The following ABAT variants were observed in gnomAD, a reference collection of about 807,000 sequenced individuals.
ABAT encodes the protein 4-aminobutyrate aminotransferase, mitochondrial.
A neutral mutation model predicts 64.6 loss-of-function variants in ABAT; 45 were observed. That is an observed-to-expected ratio of 0.70 (90% CI 0.55 to 0.89). The LOEUF is 0.89. Ranked by LOEUF, ABAT falls within the 40% of genes least tolerant of loss-of-function variation. ABAT has a pLI of 0.00. For synonymous variants in ABAT, 297 were observed against 250.5 expected, an observed-to-expected ratio of 1.19 and a Z score of -1.75; for missense variants, 633 against 658.4, an observed-to-expected ratio of 0.96 and a Z score of 0.42.
chr16:8,712,005 C>G (rs1416979123), intron 1 of ABAT, among the ~76,000 whole-genome samples: 3 of 150,446 alleles, frequency 2.0e-5, no homozygotes, highest in African/African-American at 4.9e-5. Context: ...TTTGGGAGGT[C>G]GGGGGGGAGG....
chr16:8,685,392 C>A (rs1020491993), intron 1 of ABAT, among the ~76,000 whole-genome samples: 3 of 150,910 alleles, frequency 2.0e-5, no homozygotes, highest in African/African-American at 4.9e-5. Flanking sequence ...AATGTTACGC[C>A]GGGTGTGGTG....
At chr16:8,772,993 C>T (rs2060158867) in intron 12 of ABAT, 76 bp downstream of exon 12, 1 of 1,593,374 alleles carries the variant, frequency 6.3e-7, no homozygotes, top group Admixed American at 1.7e-5. Context: ...GGGCCAGCAG[C>T]ACCTCTGCCT....
chr16:8,746,099 G>C lies in ABAT; in HGVS notation c.168+1G>C. ...GGAAGTCCCAGGGCCTAGATCTCAG[G>C]TGAGTTGAGCACACCTGAGTGGGGT... is the stretch of plus-strand genomic sequence containing the variant. On this transcript the variant is annotated splice_donor_variant, in intron 3 of 15. Transcript: ENST00000268251. LOFTEE classifies it high-confidence loss of function. 6.2e-7 allele frequency: 1 copy of C among 1,611,660 alleles called. No individual in the cohort carries two copies. Among genetic ancestry groups the C allele is most frequent in the Non-Finnish European group, 8.5e-7 (1 of 1,178,646 alleles).
intron 1 of ABAT, among the ~76,000 whole-genome samples, chr16:8,735,188 A>AG (rs2058881956): frequency 6.6e-6 from 1 of 151,952 alleles, no homozygotes; most frequent in African/African-American, 2.4e-5. Context: ...AAAAAAAAAA[A>AG]AAAATGTGAA....
At position 8,750,649 on chromosome 16, in the gene ABAT, G is replaced by A. The variant is rs1310152678; in HGVS notation, c.316+110G>A. ...TCCAGCAGGCACATCCCAGAGTGTT[G>A]CCTGACACTTCACCCAAGGGTAGGA... On this transcript the variant is annotated intron_variant, in intron 5 of 15. Transcript: ENST00000268251. 1.9e-5 allele frequency: 18 copies of A among 942,568 alleles called. 1 individual carries two copies. The highest frequency in any genetic ancestry group is 3.0e-5 in the Non-Finnish European group (17 of 573,884). 58.4% of individuals were successfully genotyped at this position (942,568 alleles called of 1,614,324 possible). A position where few individuals can be genotyped will look rare whatever the true frequency, so the allele number is the denominator to read the frequency against.
rs184869870 is a variant in ABAT at position 8,675,087 on chromosome 16, C to A, written c.-42+376C>A. 4.5e-3 allele frequency among the ~76,000 whole-genome samples: 692 copies of A among 152,244 alleles called. 7 individuals carry two copies. The highest frequency in any genetic ancestry group is 5.8e-3 in the Non-Finnish European group (394 of 68,020). On this transcript the variant is annotated intron_variant, in intron 1 of 15. Coordinates refer to ENST00000268251, the MANE Select transcript of ABAT (RefSeq NM_020686.6). ...AAAACTAAGTTTGGGTGTCTTCCTT[C>A]TCCCCTCTCTTTCGGAATAATGGGG... is the stretch of plus-strand genomic sequence containing the variant.
At chr16:8,731,109 T>G (rs953525904) in intron 1 of ABAT, among the ~76,000 whole-genome samples, 1 of 152,092 alleles carries the variant, frequency 6.6e-6, no homozygotes, top group Non-Finnish European at 1.5e-5. Flanking sequence ...ATTACAGGCG[T>G]GCACCACCAC....
rs1341168480 is a variant in ABAT, at chr16:8,698,781, A to G, written c.-42+24070A>G. On this transcript the variant is annotated intron_variant, in intron 1 of 15. Transcript: ENST00000268251. ...CTACCATGATGAAACCCATCTCTAC[A>G]AAAAAAATACAAAAATTAACCAGGC... Among the ~76,000 whole-genome samples the G allele has an allele frequency of 3.3e-5, 5 of 151,782 alleles. No individual in the cohort carries two copies. In the East Asian group the frequency reaches 9.7e-4, roughly 30 times the overall value.
intron 5 of ABAT, among the ~76,000 whole-genome samples, chr16:8,751,254 T>G (rs961815151): frequency 6.6e-6 from 1 of 152,046 alleles, no homozygotes; most frequent in Non-Finnish European, 1.5e-5. Context: ...CAGCCTAATT[T>G]TTTTATTTTT....
Position 8,772,893 on chromosome 16 carries a change from G to T in ABAT, c.930G>T (p.Arg310=). The change falls in exon 12 of 16, where the codon CGG becomes CGT. Residue 310 remains arginine (R), a synonymous_variant. Coordinates refer to ENST00000268251, the MANE Select transcript of ABAT (RefSeq NM_020686.6). ...ACCACGCATCCGATGACTTCTTTCG[G>T]AAGCTGAGAGACATCGCCAGGAAGG... is the stretch of plus-strand genomic sequence containing the variant. ...GDNHASDDFF[R]KLRDIARKHG... 1 of 1,614,026 alleles carries T rather than the reference G, an allele frequency of 6.2e-7. No individual in the cohort carries two copies. Among genetic ancestry groups the T allele is most frequent in the Non-Finnish European group, 8.5e-7 (1 of 1,180,024 alleles).
intron 1 of ABAT, chr16:8,705,610 GGAGA>G (rs1269006055): frequency 6.6e-6 from 1 of 152,108 alleles, no homozygotes; most frequent in African/African-American, 2.4e-5. Flanking sequence ...GTGTCTGTTG[GGAGA>G]GAGAGAGCCA....
chr16:8,752,190 T>C (rs1016974785), intron 5 of ABAT, among the ~76,000 whole-genome samples: 11 of 152,204 alleles, frequency 7.2e-5, no homozygotes, highest in African/African-American at 2.7e-4. Context: ...GATTAGACAG[T>C]AAGCGGATGA....
Position 8,764,192 on chromosome 16 carries a change from C to T in ABAT, c.447+43C>T. Reference sequence around the variant, plus strand: ...AATCCCATTGTCTTCAGACGTGGTACTGGCAGGGGAAGGGAAAAGTGGAGA... The same window carrying T: ...AATCCCATTGTCTTCAGACGTGGTATTGGCAGGGGAAGGGAAAAGTGGAGA... On this transcript the variant is annotated intron_variant, in intron 7 of 15. Coordinates refer to ENST00000268251, the MANE Select transcript of ABAT (RefSeq NM_020686.6). The surrounding 1 kb of genome is among the most constrained non-coding windows in gnomAD (Gnocchi z 4.2). 2 of 1,540,976 alleles carry T rather than the reference C, an allele frequency of 1.3e-6. No individual in the cohort carries two copies. Among genetic ancestry groups the T allele is most frequent in the South Asian group, 1.1e-5 (1 of 89,526 alleles).
chr16:8,748,823 C>A (rs1363643704), intron 4 of ABAT, among the ~76,000 whole-genome samples: 3 of 152,082 alleles, frequency 2.0e-5, no homozygotes, highest in African/African-American at 7.2e-5. Flanking sequence ...GATATGAGTA[C>A]AACCCCTTCT....
At position 8,748,353 on chromosome 16, in the gene ABAT, TTC is replaced by T. The variant is rs752720047; in HGVS notation, c.198+218_198+219del. Among the ~76,000 whole-genome samples the T allele has an allele frequency of 3.3e-5, 5 of 152,260 alleles. No individual in the cohort carries two copies. In the East Asian group the frequency reaches 7.7e-4, roughly 23 times the overall value. On this transcript the variant is annotated intron_variant, in intron 4 of 15. Transcript: ENST00000268251. ...GCTTTGGTAAATTTCCCAAATTTCT[TTC>T]TGTTATTGATTTCTAGTTTCATTCC...
At chr16:8,733,070 G>T (rs1352349987) in intron 1 of ABAT, among the ~76,000 whole-genome samples, 3 of 146,936 alleles carry the variant, frequency 2.0e-5, no homozygotes, top group Non-Finnish European at 4.4e-5. Context: ...TGGCCGGGCG[G>T]GGGGCTGACC....
intron 1 of ABAT, among the ~76,000 whole-genome samples, chr16:8,730,683 C>G (rs944167755): frequency 1.3e-5 from 2 of 152,082 alleles, no homozygotes; most frequent in African/African-American, 4.8e-5. Context: ...CACTGTGGGG[C>G]TGGGTAGAGT....
chr16:8,696,761 G>A (rs1409982998), intron 1 of ABAT, among the ~76,000 whole-genome samples: 2 of 152,168 alleles, frequency 1.3e-5, no homozygotes, highest in African/African-American at 4.8e-5. Context: ...CCAGCAGCCG[G>A]GTGCCTGGGG....
intron 1 of ABAT, among the ~76,000 whole-genome samples, chr16:8,728,726 T>G (rs1044910497): frequency 4.6e-5 from 7 of 152,028 alleles, no homozygotes; most frequent in African/African-American, 1.4e-4. Context: ...ATACACAAAT[T>G]AGCCAGGTGT....
Sources: allele counts gnomAD v4.1 joint callset (sites outside exome capture counted in the v4.1 genomes callset), GRCh38; gene constraint gnomAD v4.1.1; non-coding constraint Gnocchi (gnomAD v3.1); transcripts MANE v1.5; gene names NCBI Gene and HGNC (gene_info 2026-07-23, HGNC 2026-07-21).